HNF4A: variants seen among roughly 807,000 people sequenced by gnomAD.
HNF4A encodes the protein hepatocyte nuclear factor 4 alpha, also known as hepatocyte nuclear factor 4-alpha.
In HNF4A, 15 loss-of-function variants were observed where a neutral mutation model predicts 52.4. The observed-to-expected ratio is 0.29, with a 90% CI of 0.19 to 0.44. The LOEUF (loss-of-function observed/expected upper bound fraction) is 0.44. HNF4A is among the 20% of genes least tolerant of loss of function. The pLI is 1.00. For synonymous variants in HNF4A, 280 were observed against 264.4 expected (o/e 1.06, Z -0.57); for missense variants, 479 against 647.2 (o/e 0.74, Z 2.82).
rs757388599 is a variant in HNF4A, at chr20:44,429,563, A to C, written c.1323A>C (p.Ser441=). ...CACAGCCCTCACCGCCAGGTGGCTC[A>C]GGGTCTGAGCCCTATAAGCTCCTGC... The change falls in exon 10 of 10, where the codon TCA becomes TCC. Residue 441 remains serine (S), a synonymous_variant. Transcript: ENST00000316099. 6.2e-7 allele frequency: 1 copy of C among 1,614,042 alleles called. No homozygotes were observed. The highest frequency in any genetic ancestry group is 8.5e-7 in the Non-Finnish European group (1 of 1,179,976).
At chr20:44,413,903 G>A (rs769278665) in intron 4 of HNF4A, 103 bp downstream of exon 4, 16 of 779,308 alleles carry the variant, frequency 2.1e-5, no homozygotes, top group African/African-American at 6.8e-5. Context: ...AGCAGCTGAC[G>A]GGAGGGGCCT....
intron 1 of HNF4A, among the ~76,000 whole-genome samples, chr20:44,367,340 A>G (rs2062979929): frequency 6.6e-6 from 1 of 150,716 alleles, no homozygotes; most frequent in Non-Finnish European, 1.5e-5. Flanking sequence ...TGTCTCAAAA[A>G]AAAAAAAAAA....
At chr20:44,397,764 G>A (rs1020682071), upstream of HNF4A, among the ~76,000 whole-genome samples, 1 of 151,812 alleles carries the variant, frequency 6.6e-6, no homozygotes, top group African/African-American at 2.4e-5. Context: ...GGACTGCAGG[G>A]GCATGCCACC....
chr20:44,428,899 A>G (rs1470317926), intron 9 of HNF4A, among the ~76,000 whole-genome samples: 1 of 152,238 alleles, frequency 6.6e-6, no homozygotes, highest in Non-Finnish European at 1.5e-5. Context: ...TGAAACCTCC[A>G]AAGTATAAAC....
intron 8 of HNF4A, 137 bp downstream of exon 8, chr20:44,424,391 C>A: frequency 7.1e-7 from 1 of 1,413,054 alleles, no homozygotes; most frequent in Non-Finnish European, 9.8e-7. Flanking sequence ...CTGTCTGTGC[C>A]TCAGTTTCCT....
At position 44,429,833 on chromosome 20, in the gene HNF4A, G is replaced by T. The variant is rs1045382698; in HGVS notation, c.*168G>T. The stretch of plus-strand genomic sequence containing the variant: ...CATGGCCTAAGGGCCACATCCCACT[G>T]CCACCCTTGACGCCCTGCTCTGGAT... On this transcript the variant is annotated 3_prime_UTR_variant, in exon 10 of 10. Coordinates refer to ENST00000316099, the MANE Select transcript of HNF4A (RefSeq NM_000457.6). 32 of 681,852 alleles carry T rather than the reference G, an allele frequency of 4.7e-5. No homozygotes were observed. In the East Asian group the frequency reaches 8.3e-4, roughly 18 times the overall value. The allele number at this position is 681,852 out of a possible 1,614,324, so 42.2% of individuals were successfully genotyped here.
intron 5 of HNF4A, among the ~76,000 whole-genome samples, chr20:44,416,116 A>T (rs2063660681): frequency 1.3e-5 from 2 of 152,080 alleles, no homozygotes; most frequent in South Asian, 4.2e-4. Context: ...ACAATCATTA[A>T]CACACCACCC....
chr20:44,405,594 T>C (rs1221666575), intron 1 of HNF4A, among the ~76,000 whole-genome samples: 1 of 152,188 alleles, frequency 6.6e-6, no homozygotes, highest in Non-Finnish European at 1.5e-5. Context: ...GGCCCAAGTC[T>C]TTCTCGTTCC....
intron 1 of HNF4A, among the ~76,000 whole-genome samples, chr20:44,388,606 C>G (rs1391176734): frequency 6.6e-6 from 1 of 152,122 alleles, no homozygotes; most frequent in African/African-American, 2.4e-5. Context: ...AGACATAGTG[C>G]GTCTGGGCCT....
At chr20:44,390,559 G>A (rs1251100487) in intron 1 of HNF4A, 2 of 700,896 alleles carry the variant, frequency 2.9e-6, no homozygotes, top group South Asian at 1.5e-5. Flanking sequence ...AGGGTCTGGG[G>A]TGCTGAGAGG....
chr20:44,395,657 T>C (rs2063346736), intron 1 of HNF4A: 1 of 152,232 alleles, frequency 6.6e-6, no homozygotes, highest in Non-Finnish European at 1.5e-5. Context: ...GGTGGCTGCC[T>C]GGACTGGAGT....
At chr20:44,371,779 C>G (rs1372574780) in intron 1 of HNF4A, among the ~76,000 whole-genome samples, 1 of 152,148 alleles carries the variant, frequency 6.6e-6, no homozygotes, top group Non-Finnish European at 1.5e-5. Flanking sequence ...GAGCCAAGAT[C>G]GCCACTGCAC....
intron 3 of HNF4A, among the ~76,000 whole-genome samples, chr20:44,410,180 G>T (rs953836728): frequency 2.6e-5 from 4 of 152,226 alleles, no homozygotes; most frequent in African/African-American, 9.6e-5. Flanking sequence ...CCCTTACTAG[G>T]CTCCTGGAAG....
At chr20:44,414,868 T>G (rs1192797424) in intron 5 of HNF4A, among the ~76,000 whole-genome samples, 1 of 152,238 alleles carries the variant, frequency 6.6e-6, no homozygotes, top group African/African-American at 2.4e-5. Context: ...AGGTAGGTAC[T>G]AAGGTACTAT....
intron 1 of HNF4A, chr20:44,402,662 G>A: frequency 7.5e-7 from 1 of 1,326,424 alleles, no homozygotes; most frequent in East Asian, 4.7e-5. Flanking sequence ...AAAAGAGGAG[G>A]CCCGGAAACC....
At chr20:44,409,832 G>A (rs3212186) in intron 3 of HNF4A, among the ~76,000 whole-genome samples, 1,240 of 95,248 alleles carry the variant, frequency 0.013, 24 homozygotes, top group African/African-American at 0.052. Flanking sequence ...TTGTTCCCTG[G>A]TCCCTTCTTT....
intron 7 of HNF4A, among the ~76,000 whole-genome samples, chr20:44,423,616 T>C (rs1457126644): frequency 6.6e-6 from 1 of 152,224 alleles, no homozygotes; most frequent in Non-Finnish European, 1.5e-5. Flanking sequence ...GGACCTCAAC[T>C]GTGGCCCAAA....
intron 9 of HNF4A, among the ~76,000 whole-genome samples, chr20:44,428,704 A>C (rs1292870248): frequency 6.6e-6 from 1 of 152,222 alleles, no homozygotes; most frequent in Non-Finnish European, 1.5e-5. Flanking sequence ...GGGATGAGGC[A>C]ATCCACTGGA....
chr20:44,394,238 C>G (rs2146315147), intron 1 of HNF4A, among the ~76,000 whole-genome samples: 1 of 152,218 alleles, frequency 6.6e-6, no homozygotes, highest in East Asian at 1.9e-4. Context: ...TTGCCCGGGT[C>G]CACAGAGAGC....
Sources: allele counts gnomAD v4.1 joint callset (sites outside exome capture counted in the v4.1 genomes callset), GRCh38; gene constraint gnomAD v4.1.1; transcripts MANE v1.5; gene names NCBI Gene and HGNC (gene_info 2026-07-23, HGNC 2026-07-21).